The following P2RX3 variants were observed in gnomAD, a reference collection of about 807,000 sequenced individuals.
P2RX3 encodes the protein P2X purinoceptor 3.
P2RX3 carries 41 observed loss-of-function variants against 51.5 expected under a neutral mutation model. The ratio of observed to expected loss-of-function variants is 0.80; its 90% CI spans 0.62 to 1.03. The LOEUF is 1.03. P2RX3 is among the 50% of genes least tolerant of loss of function. The pLI, the probability that P2RX3 is intolerant of heterozygous loss-of-function variation, is 0.00. For synonymous variants in P2RX3, 185 were observed against 191.6 expected (o/e 0.97, Z 0.29); for missense variants, 459 against 522.1 (o/e 0.88, Z 1.18).
chr11:57,338,876 C>T (rs576295996), intron 1 of P2RX3, among the ~76,000 whole-genome samples: 3 of 152,296 alleles, frequency 2.0e-5, no homozygotes, highest in East Asian at 1.9e-4. Flanking sequence ...TTTCCCAGTT[C>T]GTCCTCCAGG....
At position 57,371,081 on chromosome 11, in the gene P2RX3, G is replaced by A. The variant is rs1163127636; in HGVS notation, c.*1084G>A. Among the ~76,000 whole-genome samples, 1 of 152,174 alleles carries A rather than the reference G, an allele frequency of 6.6e-6. No individual in the cohort carries two copies. The highest frequency in any genetic ancestry group is 1.5e-5 in the Non-Finnish European group (1 of 68,028). On this transcript the variant is annotated 3_prime_UTR_variant, in exon 12 of 12. Coordinates refer to ENST00000263314, the MANE Select transcript of P2RX3 (RefSeq NM_002559.5). ...CTTGCTTACAGATGAGCAAACTGAG[G>A]CCAGAAAGGGAAAATGACTGGTTCA... is the stretch of plus-strand genomic sequence containing the variant.
At position 57,350,030 on chromosome 11, in the gene P2RX3, C is replaced by A. The variant is rs1856515821; in HGVS notation, c.705+132C>A. ...CGCCACCTGGTGGAAGCATCCCAGG[C>A]CGCCACTGGCTTTGTGCCTGAATCC... On this transcript the variant is annotated intron_variant, in intron 7 of 11. Transcript: ENST00000263314. 6.6e-6 allele frequency: 9 copies of A among 1,364,566 alleles called. No homozygotes were observed. The Admixed American group carries it at 2.0e-4, about 31-fold the overall frequency. 84.5% of individuals were successfully genotyped at this position (1,364,566 alleles called of 1,614,324 possible).
intron 8 of P2RX3, among the ~76,000 whole-genome samples, chr11:57,355,667 T>C (rs1343787592): frequency 6.6e-6 from 1 of 152,222 alleles, no homozygotes; most frequent in Non-Finnish European, 1.5e-5. Context: ...ACAAATAAGA[T>C]ACAAATACAT....
chr11:57,362,678 G>T (rs1023654570), intron 8 of P2RX3, among the ~76,000 whole-genome samples: 1 of 152,212 alleles, frequency 6.6e-6, no homozygotes, highest in Non-Finnish European at 1.5e-5. Context: ...TGGACTGCCT[G>T]GGTTCGAATC....
At chr11:57,347,524 G>A (rs1412349713) in intron 4 of P2RX3, 46 bp downstream of exon 4, 3 of 1,540,678 alleles carry the variant, frequency 1.9e-6, no homozygotes, top group African/African-American at 2.7e-5. Flanking sequence ...GTGTTAGTGG[G>A]ACCCATGGGG....
chr11:57,341,569 G>GAA (rs1856341465), intron 1 of P2RX3, among the ~76,000 whole-genome samples: 1 of 152,124 alleles, frequency 6.6e-6, no homozygotes, highest in Non-Finnish European at 1.5e-5. Context: ...GGTCCACGTG[G>GAA]TAATCCCCAC....
chr11:57,368,182 G>A (rs532333644), intron 9 of P2RX3, 80 bp downstream of exon 9: 3 of 1,447,746 alleles, frequency 2.1e-6, no homozygotes, highest in Non-Finnish European at 2.9e-6. Context: ...AAGCTCCTCT[G>A]GGGGGCAGGG....
rs559623897 is a variant in P2RX3, at chr11:57,361,750, A to G, written c.843-6259A>G. 2.6e-5 allele frequency among the ~76,000 whole-genome samples: 4 copies of G among 152,330 alleles called. No homozygotes were observed. In the East Asian group the frequency reaches 7.7e-4, roughly 29 times the overall value. On this transcript the variant is annotated intron_variant, in intron 8 of 11. Transcript: ENST00000263314. ...TATTGTGAACAGTGCTGCAATAAAC[A>G]TGCATGCATGTATCTTTATAATAGA...
At chr11:57,364,590 T>C (rs1431694582) in intron 8 of P2RX3, among the ~76,000 whole-genome samples, 2 of 152,214 alleles carry the variant, frequency 1.3e-5, no homozygotes, top group Non-Finnish European at 2.9e-5. Flanking sequence ...GATACTTCTT[T>C]TGCAGACTTC....
At chr11:57,365,076 G>A (rs913754701) in intron 8 of P2RX3, among the ~76,000 whole-genome samples, 1 of 152,140 alleles carries the variant, frequency 6.6e-6, no homozygotes, top group East Asian at 1.9e-4. Flanking sequence ...TTGTGCCCAC[G>A]CATAGGCAGA....
In P2RX3 at chr11:57,371,366, A is replaced by G. The variant is rs1856883199; in HGVS notation, c.*1369A>G. ...TATTAGAAGGGGCTCATGCAAGTGA[A>G]TGAGCCTAAAGAATGTTTCAATAGC... On this transcript the variant is annotated 3_prime_UTR_variant, in exon 12 of 12. Coordinates refer to ENST00000263314, the MANE Select transcript of P2RX3 (RefSeq NM_002559.5). 6.6e-6 allele frequency among the ~76,000 whole-genome samples: 1 copy of G among 152,250 alleles called. No individual in the cohort carries two copies. The highest frequency in any genetic ancestry group is 2.4e-5 in the African/African-American group (1 of 41,462).
rs575268732 is a variant in P2RX3 at position 57,364,790 on chromosome 11, A to G, written c.843-3219A>G. The stretch of plus-strand genomic sequence containing the variant: ...AGACTTGAACTTAGCATCATTTTAA[A>G]GCTGGTTTAGCCCCTCCCCTCTTTC... On this transcript the variant is annotated intron_variant, in intron 8 of 11. Coordinates refer to ENST00000263314, the MANE Select transcript of P2RX3 (RefSeq NM_002559.5). Among the ~76,000 whole-genome samples, 5 of 152,126 alleles carry G rather than the reference A, an allele frequency of 3.3e-5. No individual in the cohort carries two copies. The South Asian group carries it at 1.0e-3, about 32-fold the overall frequency.
intron 8 of P2RX3, among the ~76,000 whole-genome samples, chr11:57,367,598 G>GT (rs939177111): frequency 4.6e-5 from 7 of 152,182 alleles, no homozygotes; most frequent in African/African-American, 1.7e-4. Flanking sequence ...GCGCGTGCCT[G>GT]TAATCCCAGC....
intron 8 of P2RX3, among the ~76,000 whole-genome samples, chr11:57,366,019 G>C (rs889624284): frequency 6.6e-6 from 1 of 152,202 alleles, no homozygotes; most frequent in African/African-American, 2.4e-5. Flanking sequence ...TGGAGACACT[G>C]AGAGGGAACA....
In P2RX3 at chr11:57,348,157, G is replaced by GGGAA; in HGVS notation, c.392-13_392-12insGGAA. On this transcript the variant is annotated splice_polypyrimidine_tract_variant and intron_variant, in intron 4 of 11. Coordinates refer to ENST00000263314, the MANE Select transcript of P2RX3 (RefSeq NM_002559.5). The stretch of plus-strand genomic sequence containing the variant: ...GGCAGGCAGCCACCCAGCAGCTGTG[G>GGGAA]CTCTCACTTTAGGGATCCTCACTGG... 2 of 1,568,258 alleles carry GGGAA rather than the reference G, an allele frequency of 1.3e-6. No homozygotes were observed. The highest frequency in any genetic ancestry group is 1.7e-6 in the Non-Finnish European group (2 of 1,155,024).
upstream of P2RX3, among the ~76,000 whole-genome samples, chr11:57,336,966 A>C (rs973621838): frequency 5.9e-5 from 9 of 152,130 alleles, no homozygotes; most frequent in Non-Finnish European, 1.2e-4. Context: ...ACTTTAGCAC[A>C]CTTCTCAGAT....
chr11:57,368,299 C>T, intron 9 of P2RX3, 73 bp from the exon 10 acceptor site: 1 of 1,534,248 alleles, frequency 6.5e-7, no homozygotes. Flanking sequence ...CCTTCTGGCG[C>T]CACGTGCAGC....
chr11:57,363,563 G>C (rs530722706), intron 8 of P2RX3, among the ~76,000 whole-genome samples: 14 of 152,288 alleles, frequency 9.2e-5, no homozygotes, highest in African/African-American at 3.4e-4. Flanking sequence ...AACTACCTCA[G>C]TCCAGAGGTA....
chr11:57,350,664 G>C, intron 7 of P2RX3, 98 bp from the exon 8 acceptor site: 1 of 1,513,524 alleles, frequency 6.6e-7, no homozygotes, highest in Non-Finnish European at 9.0e-7. Flanking sequence ...GAGGATGGGA[G>C]GAAATCATTT....
Sources: allele counts gnomAD v4.1 joint callset (sites outside exome capture counted in the v4.1 genomes callset), GRCh38; gene constraint gnomAD v4.1.1; transcripts MANE v1.5; gene names NCBI Gene and HGNC (gene_info 2026-07-23, HGNC 2026-07-21).